The following KANK3 variants were observed in gnomAD, a reference collection of about 807,000 sequenced individuals.
KANK3 encodes KN motif and ankyrin repeat domain-containing protein 3.
KANK3 carries 61 observed loss-of-function variants against 65.4 expected under a neutral mutation model. That is an observed-to-expected ratio of 0.93 (90% CI 0.76 to 1.15). The LOEUF (loss-of-function observed/expected upper bound fraction) is 1.15. Ranked by LOEUF, KANK3 falls within the 50% of genes most tolerant of loss-of-function variation. The probability of loss-of-function intolerance (pLI) is 0.00; values close to 1 mark genes in which losing one functional copy is unlikely to be tolerated. For synonymous variants in KANK3, 586 were observed against 543.3 expected, an observed-to-expected ratio of 1.08 and a Z score of -1.09; for missense variants, 1,187 against 1,178.8, an observed-to-expected ratio of 1.01 and a Z score of -0.10.
rs376916341 is a variant in KANK3, at chr19:8,334,558, G to C, written c.1269C>G (p.Ser423=). Residue 423 remains serine (S), a synonymous_variant, in exon 3 of 11, where the codon TCC becomes TCG. Transcript: ENST00000330915. ...ATCCGGGCGAGCTCTCCTGAGTCAA[G>C]GAGGGCGCCTCTGCCGGGGACTCGG... The part of the protein sequence containing the change: ...AQTESPAEAP[S]LTQESSPGSM... 2.0e-4 allele frequency: 314 copies of C among 1,600,224 alleles called. No homozygotes were observed. Among genetic ancestry groups the C allele is most frequent in the Non-Finnish European group, 2.6e-4 (305 of 1,179,058 alleles).
Position 8,334,923 on chromosome 19 carries a change from C to A in KANK3, c.904G>T (p.Glu302Ter). The A allele has an allele frequency of 6.8e-7, 1 of 1,469,358 alleles. No individual in the cohort carries two copies. Among genetic ancestry groups the A allele is most frequent in the Admixed American group, 2.6e-5 (1 of 39,002 alleles). 91.0% of individuals were successfully genotyped at this position (1,469,358 alleles called of 1,614,324 possible). Reference sequence around the variant, plus strand: ...TCGGGCACGGCCTCGGCGGCCACCTCCCGGGTCTGGGGCGTCCCATCGAGA... The same window carrying A: ...TCGGGCACGGCCTCGGCGGCCACCTACCGGGTCTGGGGCGTCCCATCGAGA... ...GSLDGTPQTR[E>*]VAAEAVPETR... Residue 302 changes from glutamate to a stop codon, truncating the protein, a stop_gained, in exon 3 of 11, where the codon GAG becomes TAG. Coordinates refer to ENST00000330915, the MANE Select transcript of KANK3 (RefSeq NM_198471.3). LOFTEE classifies it high-confidence loss of function.
At chr19:8,332,136 G>C (rs894063485) in intron 7 of KANK3, among the ~76,000 whole-genome samples, 3 of 151,640 alleles carry the variant, frequency 2.0e-5, no homozygotes, top group Admixed American at 6.6e-5. Context: ...TGGGATTACA[G>C]GTTCCCACCA....
chr19:8,333,135 C>T lies in KANK3; in HGVS notation c.1815G>A (p.Arg605=). The T allele has an allele frequency of 7.4e-6, 12 of 1,613,110 alleles. No homozygotes were observed. The highest frequency in any genetic ancestry group is 9.3e-6 in the Non-Finnish European group (11 of 1,179,928). Residue 605 remains arginine, a synonymous_variant, in exon 7 of 11, where the codon AGG becomes AGA. Coordinates refer to ENST00000330915, the MANE Select transcript of KANK3 (RefSeq NM_198471.3). The surrounding 1 kb of genome is among the most constrained non-coding windows in gnomAD (Gnocchi z 5.0). ...EPVARMLEGV[R]RLGPELLAHV... ...GCGCCAGCAGTTCGGGTCCCAGGCG[C>T]CTCACCCCTTCCAGCATCCTGGCCA...
chr19:8,341,189 C>G (rs1970718992), intron 1 of KANK3, among the ~76,000 whole-genome samples: 2 of 151,728 alleles, frequency 1.3e-5, no homozygotes, highest in Non-Finnish European at 2.9e-5. Context: ...TTACTATGGG[C>G]CAGCCTCTAG....
chr19:8,333,897 G>T lies in KANK3; in HGVS notation c.1634+13C>A. On this transcript the variant is annotated intron_variant, in intron 5 of 10. Coordinates refer to ENST00000330915, the MANE Select transcript of KANK3 (RefSeq NM_198471.3). The surrounding 1 kb of genome is among the most constrained non-coding windows in gnomAD (Gnocchi z 5.0). ...GCCGCCTCCTCTCCAAACAACTAGC[G>T]AGCGCCGCTCACCTCCCCTGTGCCA... The T allele has an allele frequency of 6.3e-7, 1 of 1,574,864 alleles. No homozygotes were observed. The highest frequency in any genetic ancestry group is 8.6e-7 in the Non-Finnish European group (1 of 1,162,952).
chr19:8,335,738 G>C lies in KANK3; in HGVS notation c.89C>G (p.Pro30Arg), dbSNP rs1356341343. 3.2e-6 allele frequency: 4 copies of C among 1,245,900 alleles called. No individual in the cohort carries two copies. The highest frequency in any genetic ancestry group is 4.0e-6 in the Non-Finnish European group (4 of 990,558). The allele number at this position is 1,245,900 out of a possible 1,614,324, so 77.2% of individuals were successfully genotyped here. The stretch of plus-strand genomic sequence containing the variant: ...CGTCTCCACCGAGTAGGGCGAGCTC[G>C]GGCTGCGTGCGCCCCCGGCGGCGGG... ...PVPAAGGARS[P>R]SSPYSVETPY... The change falls in exon 3 of 11, where the codon CCG (proline) becomes CGG (arginine). Residue 30 changes from proline (P) to arginine (R), a missense_variant. Pro to Arg is a moderately radical substitution (Grantham distance 103, BLOSUM62 -2). Coordinates refer to ENST00000330915, the MANE Select transcript of KANK3 (RefSeq NM_198471.3).
At chr19:8,341,574 C>G (rs1970723878) in intron 1 of KANK3, among the ~76,000 whole-genome samples, 1 of 152,122 alleles carries the variant, frequency 6.6e-6, no homozygotes, top group African/African-American at 2.4e-5. Context: ...CCATGCCTGG[C>G]TAATTTTTGT....
At chr19:8,324,427 T>A (rs948628439) in intron 10 of KANK3, 22 bp downstream of exon 10, 6 of 1,564,844 alleles carry the variant, frequency 3.8e-6, no homozygotes, top group South Asian at 1.2e-5. Context: ...GGAAAGTTTG[T>A]TTCTTCCAGA....
At position 8,324,623 on chromosome 19, in the gene KANK3, G is replaced by A. The variant is rs765621259; in HGVS notation, c.2283+7C>T. The stretch of plus-strand genomic sequence containing the variant: ...CCCAAGATGCCAGCCCCATTGTGGG[G>A]TCTTACATTGTCCAGGATGGCAGGG... On this transcript the variant is annotated splice_region_variant and intron_variant, in intron 9 of 10. Transcript: ENST00000330915. 1.9e-6 allele frequency: 3 copies of A among 1,613,798 alleles called. No individual in the cohort carries two copies. Among genetic ancestry groups the A allele is most frequent in the Admixed American group, 1.7e-5 (1 of 60,008 alleles).
intron 1 of KANK3, among the ~76,000 whole-genome samples, chr19:8,341,353 T>G (rs965232447): frequency 7.3e-5 from 11 of 150,876 alleles, no homozygotes; most frequent in Non-Finnish European, 1.6e-4. Context: ...GCCTCACAAA[T>G]AGCTGAGACT....
chr19:8,333,115 A>G lies in KANK3; in HGVS notation c.1835T>C (p.Leu612Pro). 2 of 1,613,000 alleles carry G rather than the reference A, an allele frequency of 1.2e-6. No homozygotes were observed. Among genetic ancestry groups the G allele is most frequent in the Non-Finnish European group, 1.7e-6 (2 of 1,179,916 alleles). ...ATCCGCCAGGTTCACCACGTGCGCC[A>G]GCAGTTCGGGTCCCAGGCGCCTCAC... ...EGVRRLGPEL[L>P]AHVVNLADGN... Residue 612 changes from leucine (L) to proline (P), a missense_variant, in exon 7 of 11, where the codon CTG becomes CCG. Coordinates refer to ENST00000330915, the MANE Select transcript of KANK3 (RefSeq NM_198471.3). The surrounding 1 kb of genome is among the most constrained non-coding windows in gnomAD (Gnocchi z 5.0).
chr19:8,334,615 G>C lies in KANK3; in HGVS notation c.1212C>G (p.Thr404=). ...RAQLREATTQ[T]PWSCAEKAAQ... Reference sequence around the variant, plus strand: ...CGGCCTTTTCGGCACAGCTCCACGGGGTCTGGGTGGTGGCCTCGCGTAGCT... The same window carrying C: ...CGGCCTTTTCGGCACAGCTCCACGGCGTCTGGGTGGTGGCCTCGCGTAGCT... Residue 404 remains threonine, a synonymous_variant, in exon 3 of 11, where the codon ACC becomes ACG. Transcript: ENST00000330915. 6.4e-7 allele frequency: 1 copy of C among 1,574,766 alleles called. No individual in the cohort carries two copies. Among genetic ancestry groups the C allele is most frequent in the East Asian group, 2.3e-5 (1 of 43,658 alleles).
intron 7 of KANK3, among the ~76,000 whole-genome samples, chr19:8,330,928 C>T (rs1970512290): frequency 1.3e-5 from 2 of 149,666 alleles, no homozygotes; most frequent in African/African-American, 2.5e-5. Flanking sequence ...CCGGGCAAAG[C>T]GGCTAATGCT....
rs973917609 is a variant in KANK3, at chr19:8,322,731, G to A, written c.*108C>T. 1.4e-5 allele frequency: 11 copies of A among 790,662 alleles called. No homozygotes were observed. The Admixed American group carries it at 1.9e-4, about 14-fold the overall frequency. 49.0% of individuals were successfully genotyped at this position (790,662 alleles called of 1,614,324 possible). On this transcript the variant is annotated 3_prime_UTR_variant, in exon 11 of 11. Transcript: ENST00000330915. ...CTGAAATTGCCTTTCTCTTCGGCCA[G>A]TGTTAGCCTCTGAGCAGGGGACCCT...
At chr19:8,324,336 C>T in intron 10 of KANK3, 113 bp downstream of exon 10, 1 of 927,972 alleles carries the variant, frequency 1.1e-6, no homozygotes, top group Non-Finnish European at 1.6e-6. Context: ...ACTGGTTCTG[C>T]ACCCCTGGTG....
At chr19:8,341,163 A>G (rs1048980500) in intron 1 of KANK3, among the ~76,000 whole-genome samples, 8 of 151,912 alleles carry the variant, frequency 5.3e-5, no homozygotes, top group African/African-American at 1.2e-4. Flanking sequence ...TCAAATAATA[A>G]CAACGCTTTT....
chr19:8,327,594 G>A (rs1294415134), intron 7 of KANK3, among the ~76,000 whole-genome samples: 1 of 152,088 alleles, frequency 6.6e-6, no homozygotes. Context: ...TCACACCACT[G>A]CACTCCAGCC....
chr19:8,340,905 A>G (rs1477924560), intron 1 of KANK3, among the ~76,000 whole-genome samples: 1 of 152,144 alleles, frequency 6.6e-6, no homozygotes, highest in African/African-American at 2.4e-5. Flanking sequence ...TGTTTTCAGG[A>G]AATTGCCAGG....
intron 7 of KANK3, among the ~76,000 whole-genome samples, chr19:8,332,273 G>A (rs1970539326): frequency 6.6e-6 from 1 of 151,868 alleles, no homozygotes; most frequent in Non-Finnish European, 1.5e-5. Context: ...TGCCTCCCAG[G>A]TTCAAGCAAT....
Sources: allele counts gnomAD v4.1 joint callset (sites outside exome capture counted in the v4.1 genomes callset), GRCh38; gene constraint gnomAD v4.1.1; non-coding constraint Gnocchi (gnomAD v3.1); transcripts MANE v1.5; gene names NCBI Gene and HGNC (gene_info 2026-07-23, HGNC 2026-07-21).